The following CREBRF variants were observed in gnomAD, a reference collection of about 807,000 sequenced individuals.
The protein encoded by CREBRF is UPF0474 protein C5orf41.
CREBRF carries 5 observed loss-of-function variants against 66.1 expected under a neutral mutation model. The observed-to-expected ratio is 0.08, with a 90% confidence interval of 0.04 to 0.16. The LOEUF (loss-of-function observed/expected upper bound fraction) is 0.16. Ranked by LOEUF, CREBRF falls within the 10% of genes least tolerant of loss-of-function variation. The pLI is 1.00. For missense variants in CREBRF, 531 were observed against 744.9 expected, an observed-to-expected ratio of 0.71 and a Z score of 3.34; for synonymous variants, 229 against 264.4, an observed-to-expected ratio of 0.87 and a Z score of 1.30.
At chr5:173,062,250 G>A (rs1757292803) in intron 1 of CREBRF, among the ~76,000 whole-genome samples, 1 of 152,110 alleles carries the variant, frequency 6.6e-6, no homozygotes, top group African/African-American at 2.4e-5. Context: ...TAAACTATGA[G>A]CTCCTTGAGG....
Position 173,080,953 on chromosome 5 carries a change from A to G in CREBRF, c.9+169A>G, listed in dbSNP as rs369751575. 1.1e-4 allele frequency among the ~76,000 whole-genome samples: 16 copies of G among 152,142 alleles called. No homozygotes were observed. The East Asian group carries it at 2.9e-3, about 28-fold the overall frequency. On this transcript the variant is annotated intron_variant, in intron 2 of 8. Coordinates refer to ENST00000296953, the MANE Select transcript of CREBRF (RefSeq NM_153607.3). ...CATGTTCTTCCTTCCATTGGCTTCT[A>G]TTTCTTACTTTGCTATCACTTGAAG...
chr5:173,092,415 G>A (rs1253811820), intron 4 of CREBRF: 3 of 985,314 alleles, frequency 3.0e-6, no homozygotes, highest in East Asian at 2.3e-4. Flanking sequence ...GTTCACTTTA[G>A]CATTTACATG....
intron 7 of CREBRF, among the ~76,000 whole-genome samples, chr5:173,115,938 C>T (rs1758979569): frequency 6.6e-6 from 1 of 152,226 alleles, no homozygotes; most frequent in Non-Finnish European, 1.5e-5. Flanking sequence ...TTGTCCCTCT[C>T]ACTTTCCTCT....
At chr5:173,110,235 A>G (rs1396718459) in intron 5 of CREBRF, 1 of 442,592 alleles carries the variant, frequency 2.3e-6, no homozygotes, top group Non-Finnish European at 4.2e-6. Flanking sequence ...TGCCATGCAA[A>G]TAATGAAGAA....
Position 173,100,131 on chromosome 5 carries a change from A to ATAAT in CREBRF, c.1223-8492_1223-8491insAATT, listed in dbSNP as rs1554125245. ...GTGTGTGTGTGTGTATATATATATA[A>ATAAT]TTTTTTTTTTTTTTTTTTTTTTTTA... On this transcript the variant is annotated intron_variant, in intron 4 of 8. Transcript: ENST00000296953. 3.7e-3 allele frequency among the ~76,000 whole-genome samples: 157 copies of ATAAT among 42,864 alleles called. 7 individuals are homozygous for ATAAT. Among genetic ancestry groups the ATAAT allele is most frequent in the Middle Eastern group, 0.016 (1 of 62 alleles). The allele number at this position is 42,864 out of a possible 152,430, so 28.1% of individuals were successfully genotyped here. A position where few individuals can be genotyped will look rare whatever the true frequency, so the allele number is the denominator to read the frequency against.
intron 1 of CREBRF, among the ~76,000 whole-genome samples, chr5:173,065,112 A>G (rs1309233545): frequency 6.6e-6 from 1 of 152,202 alleles, no homozygotes; most frequent in Admixed American, 6.5e-5. Flanking sequence ...TTGCAGCCCA[A>G]TGTTACGATG....
chr5:173,117,163 G>A (rs1258756431), intron 7 of CREBRF, among the ~76,000 whole-genome samples: 2 of 151,948 alleles, frequency 1.3e-5, no homozygotes, highest in Admixed American at 6.6e-5. Context: ...TCAATCACCC[G>A]AGGTCAGGAG....
At chr5:173,121,385 C>A (rs555235367) in intron 7 of CREBRF, among the ~76,000 whole-genome samples, 255 of 151,152 alleles carry the variant, frequency 1.7e-3, no homozygotes, top group African/African-American at 5.6e-3. Flanking sequence ...TGCAGTGGCG[C>A]AGTCTCGGCT....
At chr5:173,129,106 C>CTTTTTTTTTTTTTTT (rs70984946) in intron 8 of CREBRF, among the ~76,000 whole-genome samples, 4 of 53,750 alleles carry the variant, frequency 7.4e-5, no homozygotes, top group Non-Finnish European at 1.3e-4. Context: ...TTAGTTACAT[C>CTTTTTTTTTTTTTTT]TTTTTTTTTT....
At chr5:173,113,389 A>T (rs1011558406) in intron 7 of CREBRF, among the ~76,000 whole-genome samples, 1 of 151,808 alleles carries the variant, frequency 6.6e-6, no homozygotes, top group Non-Finnish European at 1.5e-5. Flanking sequence ...GCTCACTGCA[A>T]CCTCTGCTTC....
intron 7 of CREBRF, among the ~76,000 whole-genome samples, chr5:173,118,567 T>C (rs1759062922): frequency 6.6e-6 from 1 of 152,174 alleles, no homozygotes; most frequent in Non-Finnish European, 1.5e-5. Flanking sequence ...CCCATATAAA[T>C]ATCTGGTTGA....
In CREBRF at chr5:173,126,303, G is replaced by A. The variant is rs557408292; in HGVS notation, c.1804+3101G>A. Among the ~76,000 whole-genome samples, 153 of 152,188 alleles carry A rather than the reference G, an allele frequency of 1.0e-3. 2 individuals carry two copies. The South Asian group carries it at 0.015, about 15-fold the overall frequency. Reference sequence around the variant, plus strand: ...TTACAGGTGCACACCACCACGCCCGGCTGATTTTTGTGTTTTTACTGGGGA... The same window carrying A: ...TTACAGGTGCACACCACCACGCCCGACTGATTTTTGTGTTTTTACTGGGGA... On this transcript the variant is annotated intron_variant, in intron 8 of 8. Coordinates refer to ENST00000296953, the MANE Select transcript of CREBRF (RefSeq NM_153607.3).
chr5:173,058,201 CTTATT>C, intron 1 of CREBRF, among the ~76,000 whole-genome samples: 1 of 152,184 alleles, frequency 6.6e-6, no homozygotes, highest in African/African-American at 2.4e-5. Context: ...TCGAAAATAA[CTTATT>C]TTAATCTAAT....
intron 7 of CREBRF, among the ~76,000 whole-genome samples, chr5:173,115,441 T>C (rs1388652639): frequency 6.6e-6 from 1 of 152,048 alleles, no homozygotes; most frequent in Admixed American, 6.5e-5. Flanking sequence ...TTATTTACTT[T>C]TAACCTGTTG....
chr5:173,082,158 C>T lies in CREBRF; in HGVS notation c.9+1374C>T, dbSNP rs376395242. Among the ~76,000 whole-genome samples, 1,351 of 151,618 alleles carry T rather than the reference C, an allele frequency of 8.9e-3. 18 individuals are homozygous for T. Among genetic ancestry groups the T allele is most frequent in the Non-Finnish European group, 0.016 (1,072 of 67,882 alleles). On this transcript the variant is annotated intron_variant, in intron 2 of 8. Transcript: ENST00000296953. ...CCTCCCAAGTAGCTGGGACTACAGG[C>T]GCCTGCCACCACGCCTGGCTAATTT...
intron 1 of CREBRF, among the ~76,000 whole-genome samples, chr5:173,068,959 C>T (rs2113674818): frequency 6.6e-6 from 1 of 151,944 alleles, no homozygotes; most frequent in Non-Finnish European, 1.5e-5. Flanking sequence ...GTAGTCCCAG[C>T]TACTCAGGAG....
chr5:173,123,089 T>G lies in CREBRF; in HGVS notation c.1691T>G (p.Leu564Trp). The G allele has an allele frequency of 6.3e-7, 1 of 1,594,306 alleles. No individual in the cohort carries two copies. Among genetic ancestry groups the G allele is most frequent in the East Asian group, 2.2e-5 (1 of 44,564 alleles). Residue 564 changes from leucine to tryptophan, a missense_variant, in exon 8 of 9, where the codon TTG (leucine) becomes TGG (tryptophan). By Grantham distance (61) the Leu-to-Trp change is moderately conservative. This residue lies in a region of CREBRF where 64 missense variants were observed against 111.3 expected (regional missense o/e 0.58). Coordinates refer to ENST00000296953, the MANE Select transcript of CREBRF (RefSeq NM_153607.3). ...WGLNTEYDNL[L>W]FVINSIKQEI... ...TTGTTCTGTCTTACAGATAATTTAT[T>G]GTTTGTAATCAACTCCATCAAGCAA...
Position 173,134,907 on chromosome 5 carries a change from A to G in CREBRF, c.*1162A>G, listed in dbSNP as rs1759553118. 6.6e-6 allele frequency: 1 copy of G among 152,496 alleles called. No individual in the cohort carries two copies. Among genetic ancestry groups the G allele is most frequent in the African/African-American group, 2.4e-5 (1 of 41,454 alleles). 9.4% of individuals were successfully genotyped at this position (152,496 alleles called of 1,614,324 possible). ...TTCCATAGTAGATAAGTTGGTGGCC[A>G]TTTAGATGTCTTTTATTTCTGCACT... On this transcript the variant is annotated 3_prime_UTR_variant, in exon 9 of 9. Transcript: ENST00000296953.
At chr5:173,069,640 A>C (rs1394660842) in intron 1 of CREBRF, among the ~76,000 whole-genome samples, 2 of 152,042 alleles carry the variant, frequency 1.3e-5, no homozygotes, top group African/African-American at 4.8e-5. Context: ...CAAAATATTC[A>C]CTCACAATGC....
Sources: allele counts gnomAD v4.1 joint callset (sites outside exome capture counted in the v4.1 genomes callset), GRCh38; gene constraint gnomAD v4.1.1; regional missense constraint gnomAD v4.1.1; transcripts MANE v1.5; gene names NCBI Gene and HGNC (gene_info 2026-07-23, HGNC 2026-07-21).